The following MPDZ variants were observed in gnomAD, a reference collection of about 807,000 sequenced individuals.
The protein encoded by MPDZ is multiple PDZ domain crumbs cell polarity complex component.
In MPDZ, 234 loss-of-function variants were observed where a neutral mutation model predicts 239.1. The observed-to-expected ratio is 0.98, with a 90% CI of 0.88 to 1.09. The LOEUF (loss-of-function observed/expected upper bound fraction) is 1.09. Among genes scored for constraint, MPDZ ranks in the 50% least tolerant of loss-of-function variants. The pLI is 0.00. For synonymous variants in MPDZ, 1,048 were observed against 881.3 expected (o/e 1.19, Z -3.35); for missense variants, 3,175 against 2,510.0 (o/e 1.26, Z -5.66).
chr9:13,112,158 C>G lies in MPDZ; in HGVS notation c.5602-12G>C. 6.2e-7 allele frequency: 1 copy of G among 1,600,084 alleles called. No homozygotes were observed. The highest frequency in any genetic ancestry group is 1.1e-5 in the South Asian group (1 of 88,876). Reference sequence around the variant, plus strand: ...GAGTCAGTAGGGCCCTGCCATGGAACAGATATAAAATTTTGGTCAAAGTGA... The same window carrying G: ...GAGTCAGTAGGGCCCTGCCATGGAAGAGATATAAAATTTTGGTCAAAGTGA... On this transcript the variant is annotated splice_polypyrimidine_tract_variant and intron_variant, in intron 42 of 46. Transcript: ENST00000319217.
intron 22 of MPDZ, among the ~76,000 whole-genome samples, chr9:13,164,926 C>A (rs545813925): frequency 6.6e-6 from 1 of 152,116 alleles, no homozygotes; most frequent in Non-Finnish European, 1.5e-5. Flanking sequence ...CGAGAACACA[C>A]TGAAATGCTT....
intron 21 of MPDZ, among the ~76,000 whole-genome samples, chr9:13,171,005 T>C (rs576230696): frequency 6.6e-6 from 1 of 152,246 alleles, no homozygotes; most frequent in East Asian, 1.9e-4. Flanking sequence ...GCTTTGTAAA[T>C]AGAGAACTGG....
chr9:13,219,002 T>C (rs1487309676), intron 8 of MPDZ, among the ~76,000 whole-genome samples: 1 of 151,990 alleles, frequency 6.6e-6, no homozygotes, highest in Non-Finnish European at 1.5e-5. Flanking sequence ...ATTATATAAC[T>C]GGGTCAGAAT....
At chr9:13,213,875 T>C (rs1308759765) in intron 10 of MPDZ, among the ~76,000 whole-genome samples, 1 of 152,074 alleles carries the variant, frequency 6.6e-6, no homozygotes, top group Admixed American at 6.6e-5. Context: ...CAATAAATAA[T>C]ATCTGCTTAA....
intron 23 of MPDZ, 145 bp from the exon 24 acceptor site, chr9:13,158,255 A>AT (rs1293897343): frequency 1.6e-6 from 1 of 635,464 alleles, no homozygotes; most frequent in African/African-American, 1.9e-5. Context: ...ATATTTTTAC[A>AT]TCGGGGGGAA....
At chr9:13,231,322 T>G (rs1041462611) in intron 3 of MPDZ, among the ~76,000 whole-genome samples, 4 of 152,048 alleles carry the variant, frequency 2.6e-5, no homozygotes, top group Admixed American at 2.6e-4. Context: ...TCCCAGCACT[T>G]TGGGAGGCCG....
At chr9:13,228,939 C>A (rs908548697) in intron 3 of MPDZ, among the ~76,000 whole-genome samples, 4 of 152,080 alleles carry the variant, frequency 2.6e-5, no homozygotes, top group African/African-American at 9.7e-5. Flanking sequence ...GCGAAGGACA[C>A]AAACTAGAGC....
chr9:13,196,148 C>T lies in MPDZ; in HGVS notation c.1629G>A (p.Arg543=), dbSNP rs1403727324. The change falls in exon 13 of 47, where the codon AGG becomes AGA. Residue 543 remains arginine (R), a synonymous_variant. Transcript: ENST00000319217. The stretch of plus-strand genomic sequence containing the variant: ...CTATTTCATAGTTAATTCCCATAAT[C>T]CTTTGCCATTTTGTCAGCAGAGCAG... ...QEAALLTKWQ[R]IMGINYEIVV... The T allele has an allele frequency of 6.2e-7, 1 of 1,601,854 alleles. No homozygotes were observed. Among genetic ancestry groups the T allele is most frequent in the African/African-American group, 1.3e-5 (1 of 74,988 alleles).
At chr9:13,142,742 T>G (rs1028488254) in intron 27 of MPDZ, among the ~76,000 whole-genome samples, 5 of 152,110 alleles carry the variant, frequency 3.3e-5, no homozygotes, top group Non-Finnish European at 7.4e-5. Context: ...TATAGCATCT[T>G]TGGTTATCCA....
chr9:13,168,020 TTA>T (rs1951297622), intron 22 of MPDZ, among the ~76,000 whole-genome samples: 2 of 152,114 alleles, frequency 1.3e-5, no homozygotes, highest in South Asian at 4.1e-4. Flanking sequence ...GTACAATTCC[TTA>T]TATCAAAGCC....
At chr9:13,238,732 T>C in intron 3 of MPDZ, among the ~76,000 whole-genome samples, 1 of 152,062 alleles carries the variant, frequency 6.6e-6, no homozygotes, top group East Asian at 1.9e-4. Context: ...ACCCTCCCTT[T>C]CCCAGCTTAC....
At chr9:13,256,815 T>C (rs540246993) in intron 1 of MPDZ, among the ~76,000 whole-genome samples, 1 of 152,338 alleles carries the variant, frequency 6.6e-6, no homozygotes, top group South Asian at 2.1e-4. Flanking sequence ...AGACACAAAG[T>C]AAGCATGTGC....
intron 1 of MPDZ, 161 bp downstream of exon 1, chr9:13,279,239 G>C (rs1227383773): frequency 3.0e-5 from 3 of 99,858 alleles, no homozygotes; most frequent in African/African-American, 1.1e-4. Flanking sequence ...CCCACGGCCC[G>C]CCGCCACCCC....
chr9:13,259,101 T>C (rs1398457253), intron 1 of MPDZ, among the ~76,000 whole-genome samples: 1 of 152,076 alleles, frequency 6.6e-6, no homozygotes, highest in Non-Finnish European at 1.5e-5. Flanking sequence ...AATCCTACTA[T>C]GTACATGCTA....
chr9:13,278,722 C>A (rs979857744), intron 1 of MPDZ, among the ~76,000 whole-genome samples: 4 of 152,066 alleles, frequency 2.6e-5, no homozygotes, highest in African/African-American at 9.7e-5. Flanking sequence ...GTTAAAAGGG[C>A]GCCGGTGCCA....
intron 32 of MPDZ, among the ~76,000 whole-genome samples, chr9:13,133,414 T>A (rs139784873): frequency 6.6e-6 from 1 of 152,228 alleles, no homozygotes; most frequent in African/African-American, 2.4e-5. Flanking sequence ...CACTTCTAAA[T>A]ATATGAGCTT....
chr9:13,214,690 T>C (rs1423538384), intron 10 of MPDZ, among the ~76,000 whole-genome samples: 1 of 152,086 alleles, frequency 6.6e-6, no homozygotes, highest in African/African-American at 2.4e-5. Flanking sequence ...GCATCAGATA[T>C]GGATTTAGAC....
At chr9:13,238,817 G>A (rs571036059) in intron 3 of MPDZ, among the ~76,000 whole-genome samples, 60 of 152,136 alleles carry the variant, frequency 3.9e-4, no homozygotes, top group African/African-American at 1.0e-3. Context: ...TGCAGAAGCC[G>A]ATGAAAATCT....
At chr9:13,268,497 A>G (rs995891076) in intron 1 of MPDZ, among the ~76,000 whole-genome samples, 2 of 152,204 alleles carry the variant, frequency 1.3e-5, no homozygotes, top group Non-Finnish European at 2.9e-5. Flanking sequence ...AAGAATGAGG[A>G]TAACTATCTA....
Sources: gnomAD v4.1 joint callset for allele counts (sites outside exome capture counted in the v4.1 genomes callset) on GRCh38, gnomAD v4.1.1 for gene constraint, MANE v1.5 for transcripts, NCBI Gene and HGNC (gene_info 2026-07-23, HGNC 2026-07-21) for gene names.